The following SLC9A3 variants were observed in gnomAD, a reference collection of about 807,000 sequenced individuals.
SLC9A3 encodes sodium/hydrogen exchanger 3.
A neutral mutation model predicts 86.8 loss-of-function variants in SLC9A3; 37 were observed. That is an observed-to-expected ratio of 0.43 (90% confidence interval 0.33 to 0.56). The LOEUF is 0.56. Ranked by LOEUF, SLC9A3 falls within the 20% of genes least tolerant of loss-of-function variation. SLC9A3 has a pLI of 0.06. For synonymous variants in SLC9A3, 581 were observed against 528.3 expected (o/e 1.10, Z -1.37); for missense variants, 1,011 against 1,171.9 (o/e 0.86, Z 2.00).
chr5:482,902 A>C (rs2126618603), intron 6 of SLC9A3, 152 bp from the exon 7 acceptor site: 2 of 651,308 alleles, frequency 3.1e-6, no homozygotes, highest in East Asian at 2.8e-5. Flanking sequence ...GTCCCTCGTC[A>C]CCATCCACCC....
rs773888381 is a variant in SLC9A3, at chr5:472,656, G to A, written c.*723C>T. 1.0e-5 allele frequency: 5 copies of A among 479,624 alleles called. No homozygotes were observed. Among genetic ancestry groups the A allele is most frequent in the African/African-American group, 4.0e-5 (2 of 50,454 alleles). The allele number at this position is 479,624 out of a possible 1,614,324, so 29.7% of individuals were successfully genotyped here. On this transcript the variant is annotated 3_prime_UTR_variant, in exon 17 of 17. Transcript: ENST00000264938. ...CTAAATCCCCAAACGCTGAGCAGAC[G>A]GAAGACGTTCCTGCCACTTTACCTG...
intron 1 of SLC9A3, among the ~76,000 whole-genome samples, chr5:520,451 T>G (rs2126660524): frequency 6.6e-6 from 1 of 152,240 alleles, no homozygotes; most frequent in Non-Finnish European, 1.5e-5. Context: ...TGGCCCCTGC[T>G]GTGTCACTGA....
chr5:481,639 T>C lies in SLC9A3; in HGVS notation c.1447-4A>G, dbSNP rs1484557653. The C allele has an allele frequency of 2.5e-6, 4 of 1,613,424 alleles. No individual in the cohort carries two copies. The highest frequency in any genetic ancestry group is 2.7e-5 in the African/African-American group (2 of 74,894). ...CCGAGAGGATGTGGTCGAAAGCCTT[T>C]CAAGGGAAGAAAGACATGAGCGTCT... On this transcript the variant is annotated splice_region_variant and splice_polypyrimidine_tract_variant and intron_variant, in intron 8 of 16. Transcript: ENST00000264938.
At chr5:493,551 C>T (rs186213776) in intron 1 of SLC9A3, among the ~76,000 whole-genome samples, 5 of 152,352 alleles carry the variant, frequency 3.3e-5, no homozygotes, top group East Asian at 3.9e-4. Flanking sequence ...GTTCCTTCCC[C>T]GAGGATGGTC....
chr5:477,237 CCCCCAGGCCAG>C, intron 11 of SLC9A3, 84 bp downstream of exon 11: 1 of 832,050 alleles, frequency 1.2e-6, no homozygotes, highest in Admixed American at 2.5e-5. Context: ...TTCCATGCCA[CCCCCAGGCCAG>C]GAGCCACCAC....
intron 1 of SLC9A3, among the ~76,000 whole-genome samples, chr5:500,452 G>A (rs1740210506): frequency 6.6e-6 from 1 of 152,202 alleles, no homozygotes; most frequent in South Asian, 2.1e-4. Flanking sequence ...ACCAAGCACG[G>A]AGAGGCCAGG....
intron 16 of SLC9A3, among the ~76,000 whole-genome samples, 173 bp downstream of exon 16, chr5:474,710 G>T (rs1207455697): frequency 4.5e-4 from 7 of 15,458 alleles, no homozygotes; most frequent in East Asian, 1.1e-3. Context: ...GAGCGAGCCA[G>T]GTTCAGGTCC....
intron 1 of SLC9A3, among the ~76,000 whole-genome samples, chr5:499,859 T>C (rs1346153999): frequency 6.6e-6 from 1 of 152,206 alleles, no homozygotes; most frequent in East Asian, 1.9e-4. Context: ...AGCCCCTCTG[T>C]AGGGGCCACT....
chr5:499,301 G>A (rs1740161123), intron 1 of SLC9A3, among the ~76,000 whole-genome samples: 1 of 152,372 alleles, frequency 6.6e-6, no homozygotes, highest in East Asian at 1.9e-4. Flanking sequence ...TCCCTGTGCT[G>A]TGAGCCCTGC....
In SLC9A3 at chr5:504,151, C is replaced by G. The variant is rs369002387; in HGVS notation, c.212-12080G>C. Among the ~76,000 whole-genome samples the G allele has an allele frequency of 1.5e-4, 23 of 152,376 alleles. No homozygotes were observed. The South Asian group carries it at 2.1e-3, about 14-fold the overall frequency. On this transcript the variant is annotated intron_variant, in intron 1 of 16. Transcript: ENST00000264938. ...GGAAGGGAACAAGCTTCTGCAGAAG[C>G]TTCCAGCAAGGAGACAGCGTCCTAT...
rs1246066774 is a variant in SLC9A3, at chr5:470,556, T to G, written c.*2823A>C. The G allele has an allele frequency of 2.0e-5, 3 of 152,358 alleles. No individual in the cohort carries two copies. Among genetic ancestry groups the G allele is most frequent in the Non-Finnish European group, 4.4e-5 (3 of 68,048 alleles). 9.4% of individuals were successfully genotyped at this position (152,358 alleles called of 1,614,324 possible). Reference sequence around the variant, plus strand: ...GAATTGGTCTAGTAATCGTTCAGGATTTCGGTGATGGGCCCTCCCTGTCTG... The same window carrying G: ...GAATTGGTCTAGTAATCGTTCAGGAGTTCGGTGATGGGCCCTCCCTGTCTG... On this transcript the variant is annotated 3_prime_UTR_variant, in exon 17 of 17. Coordinates refer to ENST00000264938, the MANE Select transcript of SLC9A3 (RefSeq NM_004174.4).
chr5:489,443 G>T (rs568289623), intron 2 of SLC9A3, among the ~76,000 whole-genome samples: 4 of 152,162 alleles, frequency 2.6e-5, no homozygotes, highest in African/African-American at 9.7e-5. Context: ...CCCTGGAGCC[G>T]GACGGGCCCC....
At position 483,425 on chromosome 5, in the gene SLC9A3, C is replaced by G. The variant is rs1338675758; in HGVS notation, c.990G>C (p.Gln330His). 5 of 1,577,676 alleles carry G rather than the reference C, an allele frequency of 3.2e-6. No individual in the cohort carries two copies. The highest frequency in any genetic ancestry group is 2.6e-6 in the Non-Finnish European group (3 of 1,162,756). Residue 330 changes from glutamine to histidine, a missense_variant, in exon 6 of 17, where the codon CAG becomes CAC. This residue lies in a region of SLC9A3 where 565 missense variants were observed against 790.0 expected (regional missense o/e 0.72). Transcript: ENST00000264938. ...QKYVKANISE[Q>H]SATTVRYTMK... ...TGGTGTAGCGCACGGTGGTGGCCGA[C>G]TGCTCCGAGATGTTGGCCTTCACAT...
rs1212776156 is a variant in SLC9A3 at position 524,252 on chromosome 5, C to T, written c.71G>A (p.Arg24Gln). The T allele has an allele frequency of 2.5e-5, 36 of 1,428,134 alleles. No individual in the cohort carries two copies. Among genetic ancestry groups the T allele is most frequent in the African/African-American group, 4.5e-5 (3 of 66,852 alleles). 88.5% of individuals were successfully genotyped at this position (1,428,134 alleles called of 1,614,324 possible). ...LLALALGGLARAGGVEVEPGG... is the reference protein window; with the variant it reads ...LLALALGGLAQAGGVEVEPGG... ...GGGCTCCACCTCGACGCCCCCGGCC[C>T]GCGCCAGCCCGCCCAGCGCCAGCGC... is the stretch of plus-strand genomic sequence containing the variant. Residue 24 changes from arginine (R) to glutamine (Q), a missense_variant, in exon 1 of 17, where the codon CGG becomes CAG. This residue lies in a region of SLC9A3 where 49 missense variants were observed against 35.6 expected (regional missense o/e 1.38). Coordinates refer to ENST00000264938, the MANE Select transcript of SLC9A3 (RefSeq NM_004174.4).
In SLC9A3 at chr5:497,376, T is replaced by C. The variant is rs896398598; in HGVS notation, c.212-5305A>G. Among the ~76,000 whole-genome samples the C allele has an allele frequency of 3.3e-5, 5 of 151,972 alleles. No homozygotes were observed. The highest frequency in any genetic ancestry group is 2.6e-4 in the Admixed American group (4 of 15,268). ...TCTGCTCCCGGGTCTCAAATCCGGGTTCTTCCCTTGACAGCTGGCGTCCAC... is the reference window on the plus strand; with the variant it reads ...TCTGCTCCCGGGTCTCAAATCCGGGCTCTTCCCTTGACAGCTGGCGTCCAC... On this transcript the variant is annotated intron_variant, in intron 1 of 16. Transcript: ENST00000264938. The surrounding 1 kb of genome is among the most constrained non-coding windows in gnomAD (Gnocchi z 5.4).
At chr5:482,254 C>T (rs1014716808) in intron 7 of SLC9A3, 97 bp from the exon 8 acceptor site, 3 of 936,804 alleles carry the variant, frequency 3.2e-6, no homozygotes, top group Non-Finnish European at 5.0e-6. Flanking sequence ...CCCCGGGGCC[C>T]ACAGGCGCCC....
In SLC9A3 at chr5:479,914, C is replaced by G; in HGVS notation, c.1569G>C (p.Ser523=). The G allele has an allele frequency of 6.2e-7, 1 of 1,613,968 alleles. No homozygotes were observed. Among genetic ancestry groups the G allele is most frequent in the East Asian group, 2.2e-5 (1 of 44,880 alleles). The change falls in exon 10 of 17, where the codon TCG becomes TCC. Residue 523 remains serine, a synonymous_variant. Transcript: ENST00000264938. The part of the protein sequence containing the change: ...KFLSRVLMRR[S]AQKSRDRILN... ...GGATCCGGTCTCGAGACTTCTGGGC[C>G]GACCGTCTCATGAGGACCCTGCTGA... is the stretch of plus-strand genomic sequence containing the variant.
chr5:520,640 G>A (rs1733858331), intron 1 of SLC9A3, among the ~76,000 whole-genome samples: 1 of 152,146 alleles, frequency 6.6e-6, no homozygotes, highest in East Asian at 1.9e-4. Flanking sequence ...ACGACGCTAG[G>A]TGGGGACCAA....
intron 2 of SLC9A3, among the ~76,000 whole-genome samples, chr5:490,934 G>A (rs560738516): frequency 2.5e-4 from 38 of 152,324 alleles, no homozygotes; most frequent in South Asian, 1.9e-3. Flanking sequence ...GCCCCAACCC[G>A]GGAGCTCCTC....
Sources: allele counts gnomAD v4.1 joint callset (sites outside exome capture counted in the v4.1 genomes callset), GRCh38; gene constraint gnomAD v4.1.1; regional missense constraint gnomAD v4.1.1; non-coding constraint Gnocchi (gnomAD v3.1); transcripts MANE v1.5; gene names NCBI Gene and HGNC (gene_info 2026-07-23, HGNC 2026-07-21).